The following RIC1 variants were observed in gnomAD, a reference collection of about 807,000 sequenced individuals.
RIC1 encodes the protein RIC1 partner of RAB6A GEF complex.
RIC1 carries 88 observed loss-of-function variants against 169.0 expected under a neutral mutation model. That is an observed-to-expected ratio of 0.52 (90% confidence interval 0.44 to 0.62). RIC1 has a LOEUF of 0.62. RIC1 is among the 20% of genes least tolerant of loss of function. RIC1 has a pLI of 0.00. For missense variants in RIC1, 1,877 were observed against 1,725.5 expected (o/e 1.09, Z -1.56); for synonymous variants, 790 against 601.5 (o/e 1.31, Z -4.59).
At chr9:5,636,683 A>G (rs1416456008) in intron 1 of RIC1, among the ~76,000 whole-genome samples, 1 of 152,190 alleles carries the variant, frequency 6.6e-6, no homozygotes, top group Non-Finnish European at 1.5e-5. Flanking sequence ...TTATTCTTGT[A>G]TATTGATTTT....
intron 2 of RIC1, among the ~76,000 whole-genome samples, chr9:5,680,954 G>A (rs1230712453): frequency 1.4e-5 from 2 of 146,152 alleles, no homozygotes; most frequent in Non-Finnish European, 3.0e-5. Flanking sequence ...AGCCTCCCGA[G>A]TAGCTGGGAC....
chr9:5,772,956 C>T lies in RIC1; in HGVS notation c.3859C>T (p.Leu1287Phe), dbSNP rs780585539. ...LDWCIVIGLI[L>F]RESSIINQIL... ...CTGGTGCATCGTTATAGGCCTGATT[C>T]TTAGAGAATCCTCAATAATCAATCA... The change falls in exon 25 of 26, where the codon CTT becomes TTT. Residue 1287 changes from leucine (L) to phenylalanine (F), a missense_variant. By Grantham distance (22) the Leu-to-Phe change is conservative. Coordinates refer to ENST00000414202, the MANE Select transcript of RIC1 (RefSeq NM_020829.4). 6.2e-7 allele frequency: 1 copy of T among 1,613,588 alleles called. No individual in the cohort carries two copies. The highest frequency in any genetic ancestry group is 8.5e-7 in the Non-Finnish European group (1 of 1,179,656).
chr9:5,700,494 A>T (rs191492398), intron 3 of RIC1, among the ~76,000 whole-genome samples: 2 of 152,210 alleles, frequency 1.3e-5, no homozygotes. Context: ...AAATCTTAAA[A>T]ATCTATTCGT....
At chr9:5,697,914 G>C (rs945171470) in intron 3 of RIC1, among the ~76,000 whole-genome samples, 1 of 152,208 alleles carries the variant, frequency 6.6e-6, no homozygotes, top group Non-Finnish European at 1.5e-5. Context: ...ATCTTGAAAA[G>C]TCATAATAGC....
intron 7 of RIC1, among the ~76,000 whole-genome samples, chr9:5,733,543 G>A (rs902041973): frequency 1.2e-4 from 18 of 152,038 alleles, no homozygotes; most frequent in Middle Eastern, 3.4e-3. Flanking sequence ...GATTACAGGC[G>A]TGAGCCACCG....
chr9:5,758,852 C>A (rs1826168380), intron 17 of RIC1, among the ~76,000 whole-genome samples: 1 of 149,246 alleles, frequency 6.7e-6, no homozygotes, highest in Non-Finnish European at 1.5e-5. Context: ...TCAAGCAATT[C>A]TCCCGCCTCA....
Position 5,769,026 on chromosome 9 carries a change from G to A in RIC1, c.3194G>A (p.Arg1065Lys). ...ATGTATATTGACATGATGCTCTGGA[G>A]ACATGCTCGGCGCCTCTTAGAAGAT... is the stretch of plus-strand genomic sequence containing the variant. ...ENMYIDMMLWRHARRLLEDVR... is the reference protein window; with the variant it reads ...ENMYIDMMLWKHARRLLEDVR... The change falls in exon 22 of 26, where the codon AGA becomes AAA. Residue 1065 changes from arginine (R) to lysine (K), a missense_variant. Transcript: ENST00000414202. 1 of 1,613,982 alleles carries A rather than the reference G, an allele frequency of 6.2e-7. No individual in the cohort carries two copies. The highest frequency in any genetic ancestry group is 8.5e-7 in the Non-Finnish European group (1 of 1,179,982).
chr9:5,742,844 A>C, intron 8 of RIC1, 25 bp from the exon 9 acceptor site: 1 of 1,536,162 alleles, frequency 6.5e-7, no homozygotes, highest in African/African-American at 1.4e-5. Context: ...ATTTATTTTT[A>C]ACTCTTCTCA....
chr9:5,675,501 TATTAA>T lies in RIC1; in HGVS notation c.253-14453_253-14449del, dbSNP rs372893527. 5.8e-3 allele frequency among the ~76,000 whole-genome samples: 883 copies of T among 152,336 alleles called. 10 individuals are homozygous for T. Among genetic ancestry groups the T allele is most frequent in the African/African-American group, 0.02 (830 of 41,570 alleles). Reference sequence around the variant, plus strand: ...AAATTAGATTTTCAGTGGCCAAAAATATTAAATTATTTTGTTACTCTTTATGTACT... The same window carrying T: ...AAATTAGATTTTCAGTGGCCAAAAATATTATTTTGTTACTCTTTATGTACT... On this transcript the variant is annotated intron_variant, in intron 2 of 25. Transcript: ENST00000414202.
chr9:5,735,009 A>G (rs1432551983), intron 7 of RIC1, among the ~76,000 whole-genome samples: 1 of 152,210 alleles, frequency 6.6e-6, no homozygotes, highest in Non-Finnish European at 1.5e-5. Flanking sequence ...GCCACCAGCT[A>G]AATTTCTTCT....
At chr9:5,686,206 G>T (rs921302839) in intron 2 of RIC1, among the ~76,000 whole-genome samples, 25 of 151,604 alleles carry the variant, frequency 1.6e-4, no homozygotes, top group African/African-American at 4.8e-4. Context: ...AACCATTGTG[G>T]AAGTCAGTGT....
At chr9:5,726,229 G>A (rs1168789895) in intron 6 of RIC1, among the ~76,000 whole-genome samples, 4 of 152,174 alleles carry the variant, frequency 2.6e-5, no homozygotes, top group African/African-American at 7.2e-5. Context: ...TTATGAATCT[G>A]GGTGCTCCTG....
chr9:5,690,988 C>A (rs947932480), intron 3 of RIC1, among the ~76,000 whole-genome samples: 1 of 151,628 alleles, frequency 6.6e-6, no homozygotes, highest in African/African-American at 2.4e-5. Flanking sequence ...TAAATATAAC[C>A]ATTTTTATTT....
intron 7 of RIC1, among the ~76,000 whole-genome samples, chr9:5,734,889 A>T (rs911713327): frequency 6.6e-6 from 1 of 152,162 alleles, no homozygotes; most frequent in Non-Finnish European, 1.5e-5. Context: ...TTGGTTTCTA[A>T]AAAAGGAGAC....
intron 7 of RIC1, among the ~76,000 whole-genome samples, chr9:5,736,748 A>T (rs543458426): frequency 2.0e-5 from 3 of 152,358 alleles, no homozygotes; most frequent in African/African-American, 7.2e-5. Context: ...CTAACAACAG[A>T]TTAGACATTG....
At chr9:5,716,240 C>T (rs1433931975) in intron 4 of RIC1, among the ~76,000 whole-genome samples, 1 of 152,160 alleles carries the variant, frequency 6.6e-6, no homozygotes, top group Non-Finnish European at 1.5e-5. Flanking sequence ...TGAAGAGGCT[C>T]TCTAAGGATA....
intron 16 of RIC1, 43 bp downstream of exon 16, chr9:5,756,415 A>G: frequency 7.9e-7 from 1 of 1,265,604 alleles, no homozygotes; most frequent in Non-Finnish European, 1.0e-6. Flanking sequence ...GCTCCTATTT[A>G]CCACGTTTCT....
At chr9:5,646,871 G>C (rs1818545030) in intron 1 of RIC1, among the ~76,000 whole-genome samples, 1 of 152,114 alleles carries the variant, frequency 6.6e-6, no homozygotes, top group Admixed American at 6.5e-5. Context: ...TCATATCCAA[G>C]AAATTGTTTT....
In RIC1 at chr9:5,774,102, G is replaced by A. The variant is rs776805324; in HGVS notation, c.4128G>A (p.Glu1376=). The change falls in exon 26 of 26, where the codon GAG becomes GAA. Residue 1376 remains glutamate (E), a synonymous_variant. Coordinates refer to ENST00000414202, the MANE Select transcript of RIC1 (RefSeq NM_020829.4). ...AACAGACTAGCCCCCGGGCAGAGGAGAGCAGGGGCTCCTCCAGCCATGGAA... is the reference window on the plus strand; with the variant it reads ...AACAGACTAGCCCCCGGGCAGAGGAAAGCAGGGGCTCCTCCAGCCATGGAA... The part of the protein sequence containing the change: ...TPEQTSPRAE[E]SRGSSSHGSI... The A allele has an allele frequency of 1.9e-6, 3 of 1,614,138 alleles. No homozygotes were observed. The highest frequency in any genetic ancestry group is 2.2e-5 in the East Asian group (1 of 44,882).
Sources: gnomAD v4.1 joint callset for allele counts (sites outside exome capture counted in the v4.1 genomes callset) on GRCh38, gnomAD v4.1.1 for gene constraint, MANE v1.5 for transcripts, NCBI Gene and HGNC (gene_info 2026-07-23, HGNC 2026-07-21) for gene names.